Variants in TENM3 observed in about 807,000 individuals in gnomAD.
TENM3 encodes the protein teneurin-3.
In TENM3, 63 loss-of-function variants were observed where a neutral mutation model predicts 255.1. The observed-to-expected ratio is 0.25, with a 90% confidence interval of 0.20 to 0.30. The LOEUF (loss-of-function observed/expected upper bound fraction) is 0.30, where lower values mean the gene tolerates loss of function less well. Ranked by LOEUF, TENM3 falls within the 10% of genes least tolerant of loss-of-function variation. The pLI is 1.00. For missense variants in TENM3, 2,929 were observed against 3,461.1 expected (o/e 0.85, Z 3.86); for synonymous variants, 1,306 against 1,322.3 (o/e 0.99, Z 0.27).
the TENM3 span, among the ~76,000 whole-genome samples, chr4:181,731,291 A>T: frequency 6.6e-6 from 1 of 152,152 alleles, no homozygotes; most frequent in African/African-American, 2.4e-5. Context: ...CTTTTAAGGG[A>T]TGAGTAAAAT....
the TENM3 span, among the ~76,000 whole-genome samples, chr4:182,076,194 C>G: frequency 6.8e-6 from 1 of 147,378 alleles, no homozygotes; most frequent in Non-Finnish European, 1.5e-5. Context: ...TGCCCAGCCT[C>G]TTTCTCCTTC....
At chr4:182,000,940 A>G in the TENM3 span, among the ~76,000 whole-genome samples, 21 of 151,914 alleles carry the variant, frequency 1.4e-4, no homozygotes, top group Middle Eastern at 3.4e-3. Flanking sequence ...GAAAAGAGCA[A>G]TCTCAGGAAT....
chr4:182,493,266 G>GA (rs1201237353), intron 3 of TENM3, among the ~76,000 whole-genome samples: 3 of 151,858 alleles, frequency 2.0e-5, no homozygotes, highest in African/African-American at 7.3e-5. Context: ...GCTTCTTCCA[G>GA]AAAAAAAGCA....
chr4:182,362,996 T>A (rs1766136433), intron 3 of TENM3, among the ~76,000 whole-genome samples: 1 of 152,232 alleles, frequency 6.6e-6, no homozygotes, highest in South Asian at 2.1e-4. Context: ...TTGATTGAAA[T>A]CATAACCAAT....
the TENM3 span, among the ~76,000 whole-genome samples, chr4:181,620,433 G>A: frequency 6.6e-6 from 1 of 152,044 alleles, no homozygotes; most frequent in African/African-American, 2.4e-5. Context: ...CTTTATACAC[G>A]TGTTTCTCAG....
intron 3 of TENM3, among the ~76,000 whole-genome samples, chr4:182,545,859 A>G (rs1466192329): frequency 6.6e-6 from 1 of 152,006 alleles, no homozygotes; most frequent in Non-Finnish European, 1.5e-5. Flanking sequence ...TTAGGGGGCT[A>G]GAGGTGCTAC....
chr4:181,660,362 A>G, the TENM3 span, among the ~76,000 whole-genome samples: 23 of 152,146 alleles, frequency 1.5e-4, no homozygotes, highest in African/African-American at 5.5e-4. Flanking sequence ...TATTGACGGC[A>G]TTACTGTACA....
chr4:182,594,649 T>C (rs7696332), intron 3 of TENM3, among the ~76,000 whole-genome samples: 55,918 of 151,348 alleles, frequency 0.37, 11,888 homozygotes, highest in African/African-American at 0.58. Flanking sequence ...CCTCATGATG[T>C]TCTGCCCTTT....
chr4:181,943,436 A>G, the TENM3 span, among the ~76,000 whole-genome samples: 3 of 152,172 alleles, frequency 2.0e-5, no homozygotes, highest in African/African-American at 7.2e-5. Context: ...GACTCCAAAG[A>G]TTATTCTTCC....
intron 3 of TENM3, among the ~76,000 whole-genome samples, chr4:182,581,369 A>C (rs1560955740): frequency 6.6e-6 from 1 of 152,194 alleles, no homozygotes; most frequent in Non-Finnish European, 1.5e-5. Context: ...TTGTGGAAAT[A>C]ATCAAAGCTG....
chr4:182,358,371 G>C (rs1184955008), intron 3 of TENM3, among the ~76,000 whole-genome samples: 53 of 149,730 alleles, frequency 3.5e-4, no homozygotes, highest in Middle Eastern at 6.8e-3. Flanking sequence ...TCTTCCATTT[G>C]TTTGTATCCT....
chr4:181,806,646 G>T, the TENM3 span, among the ~76,000 whole-genome samples: 1 of 152,212 alleles, frequency 6.6e-6, no homozygotes, highest in African/African-American at 2.4e-5. Flanking sequence ...CTCGGAAGAG[G>T]AGACTAGGCC....
At chr4:181,893,752 A>G in the TENM3 span, among the ~76,000 whole-genome samples, 1 of 152,182 alleles carries the variant, frequency 6.6e-6, no homozygotes, top group Non-Finnish European at 1.5e-5. Context: ...ATGATTAATC[A>G]GAATAGGAGA....
chr4:182,359,130 A>C (rs1480105261), intron 3 of TENM3, among the ~76,000 whole-genome samples: 1 of 152,000 alleles, frequency 6.6e-6, no homozygotes, highest in Non-Finnish European at 1.5e-5. Flanking sequence ...CCGGTATTTT[A>C]TTGAGGATTT....
intron 3 of TENM3, among the ~76,000 whole-genome samples, chr4:182,592,580 C>G (rs1321332546): frequency 1.3e-5 from 2 of 152,196 alleles, no homozygotes; most frequent in Admixed American, 1.3e-4. Flanking sequence ...AAAAAATTCA[C>G]TGGGCGTGTT....
chr4:182,100,689 A>ATAT, the TENM3 span, among the ~76,000 whole-genome samples: 1 of 72,380 alleles, frequency 1.4e-5, no homozygotes, highest in African/African-American at 5.0e-5. Context: ...ACACACATAT[A>ATAT]TATACACACA....
the TENM3 span, among the ~76,000 whole-genome samples, chr4:181,588,060 G>T: frequency 1.3e-5 from 2 of 152,162 alleles, no homozygotes; most frequent in South Asian, 4.1e-4. Flanking sequence ...GGAAAGCAGG[G>T]AGCATCCACT....
chr4:181,884,640 C>A, the TENM3 span, among the ~76,000 whole-genome samples: 1 of 152,158 alleles, frequency 6.6e-6, no homozygotes, highest in African/African-American at 2.4e-5. Flanking sequence ...AATTTTATCT[C>A]TTTCGATGGC....
chr4:182,215,980 C>A (rs1755437427), intron 1 of TENM3, among the ~76,000 whole-genome samples: 1 of 152,104 alleles, frequency 6.6e-6, no homozygotes, highest in Admixed American at 6.5e-5. Flanking sequence ...ACGACACTAC[C>A]CCCTCTCCCA....
Sources: allele counts gnomAD v4.1 joint callset (sites outside exome capture counted in the v4.1 genomes callset), GRCh38; gene constraint gnomAD v4.1.1; transcripts MANE v1.5; gene names NCBI Gene and HGNC (gene_info 2026-07-23, HGNC 2026-07-21).